The following GSN variants were observed in gnomAD, a reference collection of about 807,000 sequenced individuals.
GSN encodes actin-depolymerizing factor.
In GSN, 56 loss-of-function variants were observed where a neutral mutation model predicts 85.7. The ratio of observed to expected loss-of-function variants is 0.65; its 90% CI spans 0.53 to 0.82. The LOEUF is 0.82. Among genes scored for constraint, GSN ranks in the 40% least tolerant of loss-of-function variants. GSN has a pLI of 0.00. For synonymous variants in GSN, 373 were observed against 399.1 expected (o/e 0.93, Z 0.78); for missense variants, 857 against 979.8 (o/e 0.87, Z 1.67).
At chr9:121,317,362 T>C (rs2061840486) in intron 8 of GSN, 144 bp downstream of exon 8, 1 of 911,032 alleles carries the variant, frequency 1.1e-6, no homozygotes, top group Non-Finnish European at 1.8e-6. Context: ...GGCCTTGGTT[T>C]TGCATTTGAC....
intron 5 of GSN, among the ~76,000 whole-genome samples, chr9:121,243,283 A>G (rs2054639383): frequency 6.6e-6 from 1 of 152,154 alleles, no homozygotes; most frequent in Non-Finnish European, 1.5e-5. Flanking sequence ...CTTCTCCTCC[A>G]TGGTAAAATC....
chr9:121,204,382 G>T (rs892146131), upstream of GSN, among the ~76,000 whole-genome samples: 1 of 152,150 alleles, frequency 6.6e-6, no homozygotes, highest in African/African-American at 2.4e-5. Context: ...CTTAAATGCA[G>T]GTCCCTAACT....
chr9:121,303,207 T>G (rs561296617), intron 4 of GSN, 142 bp downstream of exon 4: 22 of 796,246 alleles, frequency 2.8e-5, no homozygotes, highest in Admixed American at 1.6e-4. Context: ...CAACATTGTG[T>G]TTAAATCCTG....
intron 4 of GSN, among the ~76,000 whole-genome samples, chr9:121,221,882 C>T (rs761886716): frequency 6.6e-6 from 1 of 152,134 alleles, no homozygotes; most frequent in African/African-American, 2.4e-5. Context: ...TGATTTTATG[C>T]CTAAGTGCGT....
upstream of GSN, chr9:121,265,737 C>G (rs1006380950): frequency 7.2e-5 from 11 of 152,274 alleles, no homozygotes; most frequent in Non-Finnish European, 1.3e-4. Context: ...TCCTTATCAG[C>G]AAGACATTCA....
intron 6 of GSN, among the ~76,000 whole-genome samples, chr9:121,254,816 C>T (rs753748372): frequency 2.0e-4 from 31 of 152,192 alleles, no homozygotes; most frequent in South Asian, 8.3e-4. Context: ...AGAAAAATCT[C>T]CTTTTGCCCT....
chr9:121,242,235 A>G lies in GSN; in HGVS notation c.-388-6041A>G, dbSNP rs1164150373. Among the ~76,000 whole-genome samples the G allele has an allele frequency of 2.0e-5, 3 of 152,328 alleles. No homozygotes were observed. In the East Asian group the frequency reaches 5.8e-4, roughly 29 times the overall value. ...ATAATTAACTATCATAATTACCATC[A>G]TTATTATTACTCTAAGGGCCTTTGC... On this transcript the variant is annotated intron_variant, in intron 5 of 24. Coordinates refer to the GSN transcript ENST00000373823.
At chr9:121,231,492 C>T (rs530672600) in intron 5 of GSN, among the ~76,000 whole-genome samples, 1 of 152,130 alleles carries the variant, frequency 6.6e-6, no homozygotes, top group East Asian at 1.9e-4. Flanking sequence ...AAGAAACTGA[C>T]CAGAAAAGCC....
chr9:121,318,905 G>A lies in GSN; in HGVS notation c.1191+25G>A. The A allele has an allele frequency of 2.6e-6, 4 of 1,558,624 alleles. No individual in the cohort carries two copies. The highest frequency in any genetic ancestry group is 2.7e-6 in the Non-Finnish European group (3 of 1,129,986). On this transcript the variant is annotated intron_variant, in intron 10 of 17. Transcript: ENST00000432226. This position sits in a 1 kb window ranked among gnomAD's most constrained non-coding sequence, Gnocchi z 4.3. ...GGTACGTTTAGGGCGTGGGGTGGGT[G>A]TGTCCAGGCCCCTCCCTCACTTTCC...
chr9:121,273,662 TCTGA>T (rs2056297468), intron 1 of GSN, among the ~76,000 whole-genome samples: 1 of 152,202 alleles, frequency 6.6e-6, no homozygotes, highest in Non-Finnish European at 1.5e-5. Flanking sequence ...AATTGTCTGT[TCTGA>T]CTTTCTGTTT....
At chr9:121,237,529 C>T (rs994883874) in intron 5 of GSN, among the ~76,000 whole-genome samples, 32 of 152,244 alleles carry the variant, frequency 2.1e-4, no homozygotes, top group African/African-American at 7.0e-4. Context: ...CCAGCCTGAG[C>T]GACAGAGCAA....
chr9:121,227,473 G>A (rs1001929652), intron 4 of GSN, among the ~76,000 whole-genome samples: 1 of 152,136 alleles, frequency 6.6e-6, no homozygotes, highest in Middle Eastern at 3.4e-3. Flanking sequence ...CAAATTAATT[G>A]GACCCAAGTA....
intron 4 of GSN, among the ~76,000 whole-genome samples, chr9:121,307,668 G>T (rs1228398689): frequency 6.6e-6 from 1 of 152,198 alleles, no homozygotes; most frequent in African/African-American, 2.4e-5. Flanking sequence ...TTCATTGCAT[G>T]CACTTAAAGC....
chr9:121,299,683 G>A lies in GSN; in HGVS notation c.-9-2280G>A. ...CCGGAGCTGGGGTGCAGGGGCTGCC[G>A]CGCCCTGTCGGGTCGATCCGGGTGG... is the stretch of plus-strand genomic sequence containing the variant. On this transcript the variant is annotated intron_variant, in intron 2 of 17. Coordinates refer to ENST00000432226, the MANE Select transcript of GSN (RefSeq NM_198252.3). The surrounding 1 kb of genome is among the most constrained non-coding windows in gnomAD (Gnocchi z 4.2). 2.6e-6 allele frequency: 2 copies of A among 778,104 alleles called. No homozygotes were observed. The highest frequency in any genetic ancestry group is 1.8e-5 in the African/African-American group (1 of 54,362). The allele number at this position is 778,104 out of a possible 1,614,324, so 48.2% of individuals were successfully genotyped here. A position where few individuals can be genotyped will look rare whatever the true frequency, so the allele number is the denominator to read the frequency against.
At chr9:121,304,145 T>C (rs891299843) in intron 4 of GSN, among the ~76,000 whole-genome samples, 9 of 152,356 alleles carry the variant, frequency 5.9e-5, no homozygotes, top group African/African-American at 2.2e-4. Flanking sequence ...CAGGATCATC[T>C]ATGTCAATGG....
chr9:121,311,054 A>G, intron 5 of GSN: 1 of 596,344 alleles, frequency 1.7e-6, no homozygotes, highest in South Asian at 2.0e-5. Flanking sequence ...ACTTTGATTG[A>G]CATATAGACT....
At chr9:121,312,245 G>A (rs2061232191) in intron 5 of GSN, 94 bp from the exon 6 acceptor site, 2 of 1,358,110 alleles carry the variant, frequency 1.5e-6, no homozygotes, top group Non-Finnish European at 2.1e-6. Flanking sequence ...AACAGGGTGA[G>A]CCTGCACACC....
chr9:121,286,659 G>T, intron 2 of GSN: 1 of 1,534,746 alleles, frequency 6.5e-7, no homozygotes, highest in Non-Finnish European at 8.7e-7. Flanking sequence ...TCTGGGCCGG[G>T]AAGTCAGAGA....
upstream of GSN, among the ~76,000 whole-genome samples, chr9:121,267,779 C>T (rs1027329338): frequency 2.0e-5 from 3 of 152,184 alleles, no homozygotes; most frequent in Admixed American, 6.5e-5. Flanking sequence ...CCGTTCTCTC[C>T]AGGGCTGAAA....
Sources: allele counts gnomAD v4.1 joint callset (sites outside exome capture counted in the v4.1 genomes callset), GRCh38; gene constraint gnomAD v4.1.1; non-coding constraint Gnocchi (gnomAD v3.1); transcripts MANE v1.5; gene names NCBI Gene and HGNC (gene_info 2026-07-23, HGNC 2026-07-21).